The following KCNK2 variants were observed in gnomAD, a reference collection of about 807,000 sequenced individuals.
KCNK2 encodes the protein potassium channel subfamily K member 2.
KCNK2 carries 21 observed loss-of-function variants against 40.5 expected under a neutral mutation model. The observed-to-expected ratio is 0.52, with a 90% confidence interval of 0.37 to 0.75. KCNK2 has a LOEUF of 0.75. KCNK2 is among the 30% of genes least tolerant of loss of function. KCNK2 has a pLI of 0.00. For synonymous variants in KCNK2, 191 were observed against 202.2 expected, an observed-to-expected ratio of 0.94 and a Z score of 0.47; for missense variants, 399 against 531.6, an observed-to-expected ratio of 0.75 and a Z score of 2.45.
At chr1:215,176,110 C>T (rs943514746) in intron 5 of KCNK2, among the ~76,000 whole-genome samples, 5 of 152,208 alleles carry the variant, frequency 3.3e-5, no homozygotes, top group African/African-American at 9.6e-5. Flanking sequence ...TCATTCCCAC[C>T]GTCAGTGTGT....
At position 215,148,080 on chromosome 1, in the gene KCNK2, C is replaced by CT. The variant is rs756218432; in HGVS notation, c.476-21101dup. Among the ~76,000 whole-genome samples, 269 of 111,124 alleles carry CT rather than the reference C, an allele frequency of 2.4e-3. 2 individuals carry two copies. The highest frequency in any genetic ancestry group is 6.6e-3 in the South Asian group (22 of 3,334). The allele number at this position is 111,124 out of a possible 152,430, so 72.9% of individuals were successfully genotyped here. ...ATTATTATTTTTTTATTTTCTTTTC[C>CT]TTTTTTTTTTTTTTTTTTGGCAGGG... On this transcript the variant is annotated intron_variant, in intron 3 of 6. Transcript: ENST00000444842.
At chr1:215,030,197 A>G (rs568723330) in intron 1 of KCNK2, among the ~76,000 whole-genome samples, 4 of 152,270 alleles carry the variant, frequency 2.6e-5, no homozygotes, top group Non-Finnish European at 4.4e-5. Flanking sequence ...TCATTTGTGT[A>G]TCTTCTCTGA....
At chr1:215,083,642 CG>C (rs1365039126) in intron 1 of KCNK2, 10 of 604,862 alleles carry the variant, frequency 1.7e-5, no homozygotes, top group Non-Finnish European at 2.6e-5. Flanking sequence ...CGCCGGTGCC[CG>C]GGGTTTTTGC....
chr1:215,191,930 G>A (rs997708948), intron 5 of KCNK2, among the ~76,000 whole-genome samples: 5 of 152,056 alleles, frequency 3.3e-5, no homozygotes, highest in African/African-American at 1.2e-4. Flanking sequence ...GGAGACAGGG[G>A]CAGTGGCCCT....
Position 215,083,194 on chromosome 1 carries a change from TCCCCCCCCCGCC to T in KCNK2, c.-188_-177del. The T allele has an allele frequency of 8.0e-6, 4 of 501,790 alleles. No homozygotes were observed. The highest frequency in any genetic ancestry group is 1.3e-5 in the Non-Finnish European group (4 of 301,530). 31.1% of individuals were successfully genotyped at this position (501,790 alleles called of 1,614,324 possible). On this transcript the variant is annotated 5_prime_UTR_variant, in exon 1 of 7. Coordinates refer to ENST00000444842, the MANE Select transcript of KCNK2 (RefSeq NM_001017425.3). ...CCCGCGATTTCGTTTCTTCTCACGC[TCCCCCCCCCGCC>T]CCCTCCCGCGTCCAGCCCCGCTCTC...
intron 2 of KCNK2, among the ~76,000 whole-genome samples, chr1:215,088,226 A>G (rs1261030033): frequency 6.6e-6 from 1 of 152,156 alleles, no homozygotes; most frequent in African/African-American, 2.4e-5. Flanking sequence ...GCTCTTGGAT[A>G]TCTTGGTGGA....
intron 6 of KCNK2, among the ~76,000 whole-genome samples, chr1:215,230,324 G>A (rs555589469): frequency 2.0e-5 from 3 of 150,056 alleles, no homozygotes; most frequent in Admixed American, 1.3e-4. Context: ...AGTGAATACT[G>A]CAGGCACTTG....
chr1:215,064,635 T>C (rs11802959), intron 1 of KCNK2, among the ~76,000 whole-genome samples: 77,984 of 151,934 alleles, frequency 0.51, 20,801 homozygotes, highest in South Asian at 0.81. Context: ...CAGAAAACCA[T>C]GGCTTGCTGG....
intron 6 of KCNK2, among the ~76,000 whole-genome samples, chr1:215,229,600 G>T (rs1424514159): frequency 2.0e-5 from 3 of 151,908 alleles, no homozygotes; most frequent in Non-Finnish European, 4.4e-5. Flanking sequence ...GGAGGTCAAG[G>T]CTGCAGTGAG....
At chr1:215,163,143 C>T (rs1197883680) in intron 3 of KCNK2, among the ~76,000 whole-genome samples, 2 of 152,102 alleles carry the variant, frequency 1.3e-5, no homozygotes, top group African/African-American at 4.8e-5. Context: ...AGGTCCTTCA[C>T]ATCCATTGTA....
chr1:215,178,405 G>A (rs1316284014), intron 5 of KCNK2, among the ~76,000 whole-genome samples: 2 of 152,276 alleles, frequency 1.3e-5, no homozygotes, highest in Non-Finnish European at 1.5e-5. Context: ...TTGAATAGGA[G>A]TGGTGAGAGT....
At chr1:215,059,072 CACAT>C (rs779817625) in intron 1 of KCNK2, among the ~76,000 whole-genome samples, 15 of 148,666 alleles carry the variant, frequency 1.0e-4, no homozygotes, top group Non-Finnish European at 2.1e-4. Flanking sequence ...TATATATACA[CACAT>C]ACATATATAT....
At chr1:215,206,084 C>T (rs1424978216) in intron 6 of KCNK2, among the ~76,000 whole-genome samples, 2 of 152,150 alleles carry the variant, frequency 1.3e-5, no homozygotes, top group East Asian at 3.9e-4. Context: ...CCTTCATGGG[C>T]TGTAAATTCC....
rs375743174 is a variant in KCNK2, at chr1:215,185,609, T to G, written c.824-9344T>G. On this transcript the variant is annotated intron_variant, in intron 5 of 6. Coordinates refer to ENST00000444842, the MANE Select transcript of KCNK2 (RefSeq NM_001017425.3). Reference sequence around the variant, plus strand: ...GAGTGAGTTTCCCATCTGGGAAATATCAATTATTTACTGTTTAGAACTTTC... The same window carrying G: ...GAGTGAGTTTCCCATCTGGGAAATAGCAATTATTTACTGTTTAGAACTTTC... Among the ~76,000 whole-genome samples the G allele has an allele frequency of 5.6e-4, 85 of 152,320 alleles. No individual in the cohort carries two copies. The South Asian group carries it at 0.017, about 31-fold the overall frequency.
At chr1:215,075,735 G>A (rs1173403438) in intron 1 of KCNK2, among the ~76,000 whole-genome samples, 1 of 152,208 alleles carries the variant, frequency 6.6e-6, no homozygotes, top group Non-Finnish European at 1.5e-5. Context: ...AGCCAGCCAT[G>A]TTGGTAGAGG....
intron 2 of KCNK2, among the ~76,000 whole-genome samples, chr1:215,108,103 C>T: frequency 6.6e-6 from 1 of 152,102 alleles, no homozygotes; most frequent in East Asian, 1.9e-4. Flanking sequence ...GTACACTTTA[C>T]AATAGGGTTT....
At chr1:215,234,783 T>C in intron 6 of KCNK2, 45 bp from the exon 7 acceptor site, 1 of 1,502,362 alleles carries the variant, frequency 6.7e-7, no homozygotes, top group African/African-American at 1.4e-5. Flanking sequence ...AAAATGTTGA[T>C]CGGCATGTCA....
chr1:215,185,725 C>T (rs1187627038), intron 5 of KCNK2, among the ~76,000 whole-genome samples: 1 of 152,152 alleles, frequency 6.6e-6, no homozygotes, highest in Non-Finnish European at 1.5e-5. Context: ...CTAACTTGAA[C>T]CTCCTCATCT....
In KCNK2 at chr1:215,236,259, T is replaced by C. The variant is rs781102388; in HGVS notation, c.*1114T>C. 3.9e-5 allele frequency: 6 copies of C among 152,290 alleles called. No homozygotes were observed. The highest frequency in any genetic ancestry group is 7.3e-5 in the Non-Finnish European group (5 of 68,060). 9.4% of individuals were successfully genotyped at this position (152,290 alleles called of 1,614,324 possible). On this transcript the variant is annotated 3_prime_UTR_variant, in exon 7 of 7. Transcript: ENST00000444842. ...CTGCCAGCTTCTAATTGCTTTTTGA[T>C]GTATGAAAGGCTTATATAATTTTCT...
Sources: allele counts gnomAD v4.1 joint callset (sites outside exome capture counted in the v4.1 genomes callset), GRCh38; gene constraint gnomAD v4.1.1; transcripts MANE v1.5; gene names NCBI Gene and HGNC (gene_info 2026-07-23, HGNC 2026-07-21).